HSPA4L: variants seen among roughly 807,000 people sequenced by gnomAD.
The protein encoded by HSPA4L is heat shock protein family A (Hsp70) member 4 like, also known as heat shock 70 kDa protein 4L.
HSPA4L carries 48 observed loss-of-function variants against 100.3 expected under a neutral mutation model. The observed-to-expected ratio is 0.48, with a 90% confidence interval of 0.38 to 0.61. HSPA4L has a LOEUF of 0.61. Ranked by LOEUF, HSPA4L falls within the 20% of genes least tolerant of loss-of-function variation. The pLI, the probability that HSPA4L is intolerant of heterozygous loss-of-function variation, is 0.00. For synonymous variants in HSPA4L, 319 were observed against 328.2 expected (o/e 0.97, Z 0.30); for missense variants, 886 against 988.6 (o/e 0.90, Z 1.39).
rs565583286 is a variant in HSPA4L at position 127,782,351 on chromosome 4, G to A, written c.-200G>A. On this transcript the variant is annotated 5_prime_UTR_variant, in exon 1 of 19. Coordinates refer to ENST00000296464, the MANE Select transcript of HSPA4L (RefSeq NM_014278.4). ...GGGAAAGACCCAGGCTGCGGGACGCGGTGCAGGCTGCGGCGCTGACGGCCT... is the reference window on the plus strand; with the variant it reads ...GGGAAAGACCCAGGCTGCGGGACGCAGTGCAGGCTGCGGCGCTGACGGCCT... 2 of 562,428 alleles carry A rather than the reference G, an allele frequency of 3.6e-6. No homozygotes were observed. The highest frequency in any genetic ancestry group is 1.9e-5 in the African/African-American group (1 of 51,568). 34.8% of individuals were successfully genotyped at this position (562,428 alleles called of 1,614,324 possible). A position where few individuals can be genotyped will look rare whatever the true frequency, so the allele number is the denominator to read the frequency against.
chr4:127,810,528 CAGG>C (rs1733496335), intron 11 of HSPA4L, among the ~76,000 whole-genome samples: 1 of 152,146 alleles, frequency 6.6e-6, no homozygotes, highest in East Asian at 1.9e-4. Flanking sequence ...AAGGCTGAGG[CAGG>C]AGGATTGCTT....
Position 127,798,724 on chromosome 4 carries a change from A to G in HSPA4L, c.429+15A>G, listed in dbSNP as rs749785245. On this transcript the variant is annotated intron_variant, in intron 4 of 18. Coordinates refer to ENST00000296464, the MANE Select transcript of HSPA4L (RefSeq NM_014278.4). ...GTGTGATTTCAGTAAGTTTTACTTC[A>G]GTAATGAATACCCTTGAATTATATT... The G allele has an allele frequency of 7.4e-6, 12 of 1,611,136 alleles. No individual in the cohort carries two copies. The highest frequency in any genetic ancestry group is 1.3e-5 in the African/African-American group (1 of 74,860).
intron 1 of HSPA4L, among the ~76,000 whole-genome samples, chr4:127,789,359 G>A (rs937640470): frequency 3.3e-5 from 5 of 152,056 alleles, no homozygotes; most frequent in Non-Finnish European, 4.4e-5. Flanking sequence ...ATTGAAAACC[G>A]TCCCTGGCCG....
Position 127,801,134 on chromosome 4 carries a change from C to G in HSPA4L, c.430-4C>G. 2 of 1,600,998 alleles carry G rather than the reference C, an allele frequency of 1.2e-6. No homozygotes were observed. Among genetic ancestry groups the G allele is most frequent in the Non-Finnish European group, 1.7e-6 (2 of 1,172,956 alleles). ...TATACTTAACTGTTGTTTTTAAATA[C>G]TAGATTCCTAGCTTTTTTACTGATG... On this transcript the variant is annotated splice_polypyrimidine_tract_variant and splice_region_variant and intron_variant, in intron 4 of 18. Coordinates refer to ENST00000296464, the MANE Select transcript of HSPA4L (RefSeq NM_014278.4).
chr4:127,821,887 G>A lies in HSPA4L; in HGVS notation c.1813-882G>A, dbSNP rs192311598. Among the ~76,000 whole-genome samples, 10 of 152,102 alleles carry A rather than the reference G, an allele frequency of 6.6e-5. No homozygotes were observed. In the East Asian group the frequency reaches 1.7e-3, roughly 26 times the overall value. ...CCTGCTATCTCAAGATAGTAAATAGGGAACCTAGGATTTTAATCTGAGTAT... is the reference window on the plus strand; with the variant it reads ...CCTGCTATCTCAAGATAGTAAATAGAGAACCTAGGATTTTAATCTGAGTAT... On this transcript the variant is annotated intron_variant, in intron 14 of 18. Transcript: ENST00000296464.
chr4:127,822,167 T>C (rs1483362493), intron 14 of HSPA4L, among the ~76,000 whole-genome samples: 3 of 152,148 alleles, frequency 2.0e-5, no homozygotes, highest in Admixed American at 1.3e-4. Context: ...AACTCTATAA[T>C]AACTTATTTT....
At chr4:127,804,229 C>T (rs1733282085) in intron 8 of HSPA4L, 142 bp downstream of exon 8, 1 of 647,724 alleles carries the variant, frequency 1.5e-6, no homozygotes, top group Admixed American at 2.9e-5. Context: ...GATTATAACT[C>T]ATTATTCATA....
At chr4:127,824,475 A>G (rs1481176263) in intron 16 of HSPA4L, among the ~76,000 whole-genome samples, 4 of 152,246 alleles carry the variant, frequency 2.6e-5, no homozygotes, top group African/African-American at 9.6e-5. Flanking sequence ...CAGCAATGCT[A>G]TATAATTGAA....
At chr4:127,822,394 T>G (rs1009964157) in intron 14 of HSPA4L, among the ~76,000 whole-genome samples, 2 of 152,240 alleles carry the variant, frequency 1.3e-5, no homozygotes, top group Non-Finnish European at 2.9e-5. Flanking sequence ...ATATACTTTT[T>G]TTATTTGTTC....
chr4:127,820,462 A>C lies in HSPA4L; in HGVS notation c.1709A>C (p.Gln570Pro). 1 of 1,605,328 alleles carries C rather than the reference A, an allele frequency of 6.2e-7. No individual in the cohort carries two copies. Among genetic ancestry groups the C allele is most frequent in the Non-Finnish European group, 8.5e-7 (1 of 1,176,632 alleles). The change falls in exon 14 of 19, where the codon CAG becomes CCG. Residue 570 changes from glutamine to proline, a missense_variant. Gln to Pro is a moderately conservative substitution (Grantham distance 76). Transcript: ENST00000296464. ...AVSDKQDRLNQTLKKGKVKSI... is the reference protein window; with the variant it reads ...AVSDKQDRLNPTLKKGKVKSI... ...TCAGACAAACAAGACCGATTAAATC[A>C]GACACTTAAAAAAGGAAAAGTCAAA...
rs867976586 is a variant in HSPA4L, at chr4:127,828,382, T to C, written c.2166+958T>C. 1.1e-4 allele frequency among the ~76,000 whole-genome samples: 17 copies of C among 152,276 alleles called. No homozygotes were observed. In the South Asian group the frequency reaches 1.7e-3, roughly 15 times the overall value. On this transcript the variant is annotated intron_variant, in intron 17 of 18. Coordinates refer to ENST00000296464, the MANE Select transcript of HSPA4L (RefSeq NM_014278.4). The stretch of plus-strand genomic sequence containing the variant: ...CACATCATGAATTTTAAGTACTTTA[T>C]GTGGATTATCTCACCAGGATATATC...
chr4:127,808,505 A>T (rs1468987781), intron 11 of HSPA4L, among the ~76,000 whole-genome samples: 1 of 152,116 alleles, frequency 6.6e-6, no homozygotes, highest in Non-Finnish European at 1.5e-5. Flanking sequence ...TAGACTTAAG[A>T]GTATTTGGGA....
At chr4:127,832,579 G>A in intron 18 of HSPA4L, 104 bp from the exon 19 acceptor site, 1 of 998,300 alleles carries the variant, frequency 1.0e-6, no homozygotes, top group East Asian at 2.4e-5. Flanking sequence ...AATTCAGAAA[G>A]GGGGAATTAT....
At chr4:127,809,970 C>T (rs1733478763) in intron 11 of HSPA4L, among the ~76,000 whole-genome samples, 1 of 152,116 alleles carries the variant, frequency 6.6e-6, no homozygotes, top group Non-Finnish European at 1.5e-5. Context: ...AATATTATTT[C>T]TGAACTCATA....
intron 16 of HSPA4L, 54 bp from the exon 17 acceptor site, chr4:127,827,250 GT>G: frequency 6.6e-7 from 1 of 1,508,214 alleles, no homozygotes; most frequent in Non-Finnish European, 9.1e-7. Context: ...CCCTATAAAA[GT>G]TTTCTGTTAA....
intron 1 of HSPA4L, among the ~76,000 whole-genome samples, chr4:127,786,920 T>C (rs1264652325): frequency 6.6e-6 from 1 of 152,232 alleles, no homozygotes; most frequent in Non-Finnish European, 1.5e-5. Flanking sequence ...TAGATACTTC[T>C]CAGAGGTAGA....
chr4:127,814,688 C>G (rs1349690122), intron 12 of HSPA4L, among the ~76,000 whole-genome samples: 1 of 152,136 alleles, frequency 6.6e-6, no homozygotes, highest in Non-Finnish European at 1.5e-5. Context: ...CTGCCTCAGC[C>G]TTCTAGTAGC....
At chr4:127,817,323 C>T (rs1465961158) in intron 12 of HSPA4L, among the ~76,000 whole-genome samples, 2 of 151,408 alleles carry the variant, frequency 1.3e-5, no homozygotes, top group African/African-American at 2.4e-5. Flanking sequence ...CTTGGCCTCC[C>T]GAAGAATAAT....
Position 127,837,360 on chromosome 4 carries a change from A to T in HSPA4L, c.*4486A>T, listed in dbSNP as rs991441784. The T allele has an allele frequency of 6.6e-6, 1 of 152,212 alleles. No homozygotes were observed. Among genetic ancestry groups the T allele is most frequent in the Non-Finnish European group, 1.5e-5 (1 of 68,028 alleles). 9.4% of individuals were successfully genotyped at this position (152,212 alleles called of 1,614,324 possible). On this transcript the variant is annotated 3_prime_UTR_variant, in exon 19 of 19. Transcript: ENST00000296464. ...TTTTATTGTATAAACTGTTAATGAG[A>T]GGCACAGCTAATTGTACATATCAAT...
Sources: gnomAD v4.1 joint callset for allele counts (sites outside exome capture counted in the v4.1 genomes callset) on GRCh38, gnomAD v4.1.1 for gene constraint, MANE v1.5 for transcripts, NCBI Gene and HGNC (gene_info 2026-07-23, HGNC 2026-07-21) for gene names.